Variants in MYRFL observed in about 807,000 individuals in gnomAD.
The protein encoded by MYRFL is myelin regulatory factor-like protein.
Under a neutral mutation model 109.4 loss-of-function variants are expected in MYRFL, and 88 were observed. The observed-to-expected ratio is 0.80, with a 90% confidence interval of 0.68 to 0.96. The LOEUF (loss-of-function observed/expected upper bound fraction) is 0.96, where lower values mean the gene tolerates loss of function less well. MYRFL is among the 40% of genes least tolerant of loss of function. MYRFL has a pLI of 0.00. For synonymous variants in MYRFL, 324 were observed against 320.9 expected (o/e 1.01, Z -0.10); for missense variants, 957 against 954.9 (o/e 1.00, Z -0.03).
At chr12:69,924,491 A>C (rs1955010376) in intron 13 of MYRFL, among the ~76,000 whole-genome samples, 1 of 152,050 alleles carries the variant, frequency 6.6e-6, no homozygotes, top group African/African-American at 2.4e-5. Flanking sequence ...AATGTACCAC[A>C]GTTTATTATC....
intron 2 of MYRFL, among the ~76,000 whole-genome samples, chr12:69,877,275 C>T (rs1442955985): frequency 1.3e-5 from 2 of 151,916 alleles, no homozygotes; most frequent in Admixed American, 6.6e-5. Context: ...CGCCCGCCTC[C>T]GCCTCCCAAA....
chr12:69,830,392 T>A (rs1289913971), intron 1 of MYRFL, among the ~76,000 whole-genome samples: 1 of 150,854 alleles, frequency 6.6e-6, no homozygotes, highest in Non-Finnish European at 1.5e-5. Context: ...TTGTTTATAC[T>A]ATTTTTGGAG....
At chr12:69,879,588 A>G (rs932298019) in intron 4 of MYRFL, 135 bp downstream of exon 4, 3 of 582,052 alleles carry the variant, frequency 5.2e-6, no homozygotes, top group Admixed American at 6.0e-5. Context: ...CGTATAGGAC[A>G]TCGCGAGGTC....
intron 14 of MYRFL, 38 bp from the exon 15 acceptor site, chr12:69,927,647 G>T: frequency 6.9e-7 from 1 of 1,458,194 alleles, no homozygotes; most frequent in Non-Finnish European, 9.2e-7. Flanking sequence ...TCCTGGAGAG[G>T]TATTTGAATA....
chr12:69,935,987 C>T, intron 16 of MYRFL, 126 bp from the exon 17 acceptor site: 1 of 1,139,594 alleles, frequency 8.8e-7, no homozygotes, highest in Admixed American at 2.9e-5. Context: ...GCCATCCCCT[C>T]CCCCCTGCTC....
intron 1 of MYRFL, among the ~76,000 whole-genome samples, chr12:69,845,792 GA>G (rs71276402): frequency 0.015 from 1,818 of 120,484 alleles, 26 homozygotes; most frequent in African/African-American, 0.043. Flanking sequence ...TGGGAAAAGC[GA>G]AAAAAAAAAA....
At chr12:69,900,252 C>A (rs1954136730) in intron 10 of MYRFL, among the ~76,000 whole-genome samples, 1 of 152,146 alleles carries the variant, frequency 6.6e-6, no homozygotes, top group Non-Finnish European at 1.5e-5. Flanking sequence ...TGTACACATG[C>A]AAACACACAC....
intron 19 of MYRFL, among the ~76,000 whole-genome samples, chr12:69,951,718 A>G (rs907608185): frequency 2.7e-4 from 41 of 152,278 alleles, no homozygotes; most frequent in African/African-American, 9.1e-4. Context: ...GTGAGCCACC[A>G]TGCCTGGCTC....
chr12:69,895,204 T>C (rs530132628), intron 8 of MYRFL, among the ~76,000 whole-genome samples, 167 bp from the exon 9 acceptor site: 2 of 152,344 alleles, frequency 1.3e-5, no homozygotes, highest in African/African-American at 4.8e-5. Flanking sequence ...TTCCTGACCA[T>C]GCTGTGGATA....
intron 1 of MYRFL, among the ~76,000 whole-genome samples, chr12:69,827,895 G>GA (rs1160857547): frequency 3.3e-5 from 5 of 151,856 alleles, no homozygotes; most frequent in African/African-American, 7.3e-5. Flanking sequence ...CAAATACATA[G>GA]AAAAAACCAT....
At chr12:69,900,735 A>G (rs1476047031) in intron 10 of MYRFL, among the ~76,000 whole-genome samples, 1 of 152,194 alleles carries the variant, frequency 6.6e-6, no homozygotes, top group Non-Finnish European at 1.5e-5. Flanking sequence ...AACAAATTCC[A>G]GCTTTTCACT....
chr12:69,855,384 G>A lies in MYRFL; in HGVS notation c.137+14G>A, dbSNP rs1313527689. The A allele has an allele frequency of 4.3e-6, 3 of 702,374 alleles. No homozygotes were observed. Among genetic ancestry groups the A allele is most frequent in the Admixed American group, 2.0e-5 (1 of 49,962 alleles). 43.5% of individuals were successfully genotyped at this position (702,374 alleles called of 1,614,324 possible). ...TTTGGGGGCCTTGTAAGTAATGAGAGCACTGCTCTCTAGTTGATGTTTAAA... is the reference window on the plus strand; with the variant it reads ...TTTGGGGGCCTTGTAAGTAATGAGAACACTGCTCTCTAGTTGATGTTTAAA... On this transcript the variant is annotated intron_variant, in intron 2 of 24. Coordinates refer to ENST00000552032, the MANE Select transcript of MYRFL (RefSeq NM_182530.3).
intron 13 of MYRFL, among the ~76,000 whole-genome samples, chr12:69,915,575 G>A (rs529006929): frequency 1.3e-5 from 2 of 152,290 alleles, no homozygotes; most frequent in African/African-American, 4.8e-5. Context: ...GGTACAAGCA[G>A]CTTTTCTTTC....
chr12:69,858,140 A>G (rs1053295819), intron 2 of MYRFL, among the ~76,000 whole-genome samples: 1 of 151,810 alleles, frequency 6.6e-6, no homozygotes, highest in African/African-American at 2.4e-5. Context: ...CCATCTGTTA[A>G]TATAATGGAT....
chr12:69,851,552 G>A (rs1357892073), intron 1 of MYRFL, among the ~76,000 whole-genome samples: 2 of 152,174 alleles, frequency 1.3e-5, no homozygotes, highest in East Asian at 3.8e-4. Context: ...TTACAGTGAG[G>A]AAAGCTGGCA....
chr12:69,861,887 A>C (rs2136325009), intron 2 of MYRFL, among the ~76,000 whole-genome samples: 1 of 151,916 alleles, frequency 6.6e-6, no homozygotes, highest in East Asian at 1.9e-4. Flanking sequence ...TTTAGGTCTA[A>C]CATGTAAGTC....
chr12:69,850,430 G>T (rs1392891003), intron 1 of MYRFL, among the ~76,000 whole-genome samples: 2 of 151,606 alleles, frequency 1.3e-5, no homozygotes, highest in Non-Finnish European at 2.9e-5. Context: ...GAAAACTAAA[G>T]GAATTACAGA....
chr12:69,955,583 T>C, intron 22 of MYRFL, 146 bp downstream of exon 22: 1 of 472,682 alleles, frequency 2.1e-6, no homozygotes, highest in Non-Finnish European at 3.7e-6. Context: ...GTGGCCTATT[T>C]GAAGGAAAGG....
intron 13 of MYRFL, among the ~76,000 whole-genome samples, chr12:69,918,149 AT>A (rs1954806197): frequency 6.6e-6 from 1 of 152,178 alleles, no homozygotes; most frequent in African/African-American, 2.4e-5. Context: ...AAAGTATCAG[AT>A]TTATGGGTCC....
Sources: gnomAD v4.1 joint callset for allele counts (sites outside exome capture counted in the v4.1 genomes callset) on GRCh38, gnomAD v4.1.1 for gene constraint, MANE v1.5 for transcripts, NCBI Gene and HGNC (gene_info 2026-07-23, HGNC 2026-07-21) for gene names.